MYADM: variants seen among roughly 807,000 people sequenced by gnomAD.
The protein encoded by MYADM is myeloid-associated differentiation marker.
For synonymous variants in MYADM, 224 were observed against 210.2 expected, an observed-to-expected ratio of 1.07 and a Z score of -0.57; for missense variants, 416 against 443.4, an observed-to-expected ratio of 0.94 and a Z score of 0.56.
Position 53,868,648 on chromosome 19 carries a change from C to T in MYADM, c.-88+705C>T, listed in dbSNP as rs889247903. ...AGAGCCGAAGCTGGGGTTCCGGGGC[C>T]CGATTCTCAGCGTGAGCGATGGGTG... On this transcript the variant is annotated intron_variant, in intron 1 of 2. Coordinates refer to ENST00000391770, the MANE Select transcript of MYADM (RefSeq NM_138373.5). The surrounding 1 kb of genome is among the most constrained non-coding windows in gnomAD (Gnocchi z 6.3). Among the ~76,000 whole-genome samples the T allele has an allele frequency of 1.3e-5, 2 of 152,036 alleles. No individual in the cohort carries two copies. The highest frequency in any genetic ancestry group is 4.8e-5 in the African/African-American group (2 of 41,398).
intron 2 of MYADM, among the ~76,000 whole-genome samples, chr19:53,871,511 G>C (rs559125659): frequency 1.3e-5 from 2 of 152,288 alleles, no homozygotes; most frequent in East Asian, 1.9e-4. Flanking sequence ...TCCAAGGTGG[G>C]GGGTAGGGAG....
rs773438872 is a variant in MYADM, at chr19:53,873,811, C to T, written c.282C>T (p.Phe94=). The change falls in exon 3 of 3, where the codon TTC becomes TTT. Residue 94 remains phenylalanine, a synonymous_variant. Transcript: ENST00000391770. The surrounding 1 kb of genome is among the most constrained non-coding windows in gnomAD (Gnocchi z 4.3). ...AGCTGTGCGGGCTCCAGGCCCGCTT[C>T]CCCCTGTCTTGGCGCAACTTCCCCA... ...IVELCGLQAR[F]PLSWRNFPIT... is the part of the protein sequence containing the mutation. 1.2e-6 allele frequency: 2 copies of T among 1,613,656 alleles called. No individual in the cohort carries two copies. Among genetic ancestry groups the T allele is most frequent in the Non-Finnish European group, 8.5e-7 (1 of 1,180,024 alleles).
intron 2 of MYADM, among the ~76,000 whole-genome samples, chr19:53,871,445 G>A (rs62143251): frequency 0.084 from 12,778 of 152,092 alleles, 851 homozygotes; most frequent in African/African-American, 0.17. Context: ...TTGGGTTGCA[G>A]TACTCCAGTC....
At chr19:53,871,293 G>C (rs2068381514) in intron 2 of MYADM, among the ~76,000 whole-genome samples, 2 of 152,188 alleles carry the variant, frequency 1.3e-5, no homozygotes, top group Admixed American at 6.6e-5. Flanking sequence ...AGGGCCTGGG[G>C]TTCCTACTGG....
upstream of MYADM, among the ~76,000 whole-genome samples, chr19:53,867,211 CCT>C (rs1309123104): frequency 6.6e-6 from 1 of 152,194 alleles, no homozygotes; most frequent in African/African-American, 2.4e-5. Context: ...AGGAATCTAG[CCT>C]CTGTTTCTTG....
Position 53,874,537 on chromosome 19 carries a change from T to C in MYADM, c.*39T>C. ...GGCTCCCGTTCCCTCTCCAACCTCT[T>C]TGTTCTTCTTGCCCGAGTTTTCTTT... On this transcript the variant is annotated 3_prime_UTR_variant, in exon 3 of 3. Coordinates refer to ENST00000391770, the MANE Select transcript of MYADM (RefSeq NM_138373.5). The C allele has an allele frequency of 6.6e-7, 1 of 1,522,784 alleles. No individual in the cohort carries two copies. Among genetic ancestry groups the C allele is most frequent in the Non-Finnish European group, 8.8e-7 (1 of 1,136,322 alleles). 94.3% of individuals were successfully genotyped at this position (1,522,784 alleles called of 1,614,324 possible).
rs757232240 is a variant in MYADM, at chr19:53,873,967, C to T, written c.438C>T (p.Ile146=). Residue 146 remains isoleucine (I), a synonymous_variant, in exon 3 of 3, where the codon ATC becomes ATT. Coordinates refer to ENST00000391770, the MANE Select transcript of MYADM (RefSeq NM_138373.5). The surrounding 1 kb of genome is among the most constrained non-coding windows in gnomAD (Gnocchi z 4.3). ...TCGCCGCCACCTTCTTCTCCTGCAT[C>T]GCGTGTGTGGCTTACGCCACCGAAG... ...HAIAATFFSC[I]ACVAYATEVA... 20 of 1,609,998 alleles carry T rather than the reference C, an allele frequency of 1.2e-5. No homozygotes were observed. Among genetic ancestry groups the T allele is most frequent in the Non-Finnish European group, 1.7e-5 (20 of 1,180,020 alleles).
At position 53,873,380 on chromosome 19, in the gene MYADM, AAAAAG is replaced by A. The variant is rs979407135; in HGVS notation, c.-2-138_-2-134del. ...GAGCAAGACTCTGTCTCAAAAAAAAAAAAAGAAAAGAAAACCGAAAGCCCCACATC... is the reference window on the plus strand; with the variant it reads ...GAGCAAGACTCTGTCTCAAAAAAAAAAAAAGAAAACCGAAAGCCCCACATC... On this transcript the variant is annotated intron_variant, in intron 2 of 2. Coordinates refer to ENST00000391770, the MANE Select transcript of MYADM (RefSeq NM_138373.5). The surrounding 1 kb of genome is among the most constrained non-coding windows in gnomAD (Gnocchi z 4.3). 54 of 890,870 alleles carry A rather than the reference AAAAAG, an allele frequency of 6.1e-5. No homozygotes were observed. In the South Asian group the frequency reaches 8.9e-4, roughly 15 times the overall value. The allele number at this position is 890,870 out of a possible 1,614,324, so 55.2% of individuals were successfully genotyped here.
At position 53,876,183 on chromosome 19, in the gene MYADM, C is replaced by G. The variant is rs1295647907; in HGVS notation, c.*1685C>G. 1 of 166,760 alleles carries G rather than the reference C, an allele frequency of 6.0e-6. No individual in the cohort carries two copies. The highest frequency in any genetic ancestry group is 1.9e-4 in the East Asian group (1 of 5,176). The allele number at this position is 166,760 out of a possible 1,614,324, so 10.3% of individuals were successfully genotyped here. On this transcript the variant is annotated 3_prime_UTR_variant, in exon 3 of 3. Coordinates refer to ENST00000391770, the MANE Select transcript of MYADM (RefSeq NM_138373.5). ...AATGGCTTTGCTTGAATGTGTAGTGCACACGCACGGGTGTTTCTGTGTGCT... is the reference window on the plus strand; with the variant it reads ...AATGGCTTTGCTTGAATGTGTAGTGGACACGCACGGGTGTTTCTGTGTGCT...
chr19:53,868,642 C>T lies in MYADM; in HGVS notation c.-88+699C>T, dbSNP rs2068289357. On this transcript the variant is annotated intron_variant, in intron 1 of 2. Coordinates refer to ENST00000391770, the MANE Select transcript of MYADM (RefSeq NM_138373.5). This position sits in a 1 kb window ranked among gnomAD's most constrained non-coding sequence, Gnocchi z 6.3. Reference sequence around the variant, plus strand: ...GTGCCGAGAGCCGAAGCTGGGGTTCCGGGGCCCGATTCTCAGCGTGAGCGA... The same window carrying T: ...GTGCCGAGAGCCGAAGCTGGGGTTCTGGGGCCCGATTCTCAGCGTGAGCGA... Among the ~76,000 whole-genome samples the T allele has an allele frequency of 6.6e-6, 1 of 152,068 alleles. No homozygotes were observed. Among genetic ancestry groups the T allele is most frequent in the South Asian group, 2.1e-4 (1 of 4,826 alleles).
At chr19:53,872,970 G>A (rs1371402023) in intron 2 of MYADM, among the ~76,000 whole-genome samples, 1 of 152,204 alleles carries the variant, frequency 6.6e-6, no homozygotes, top group African/African-American at 2.4e-5. Flanking sequence ...CTCTTGAGAA[G>A]GAGGAAAATA....
At chr19:53,866,605 CCACCAGCCCCTTGGAT>C, upstream of MYADM, among the ~76,000 whole-genome samples, 1 of 152,308 alleles carries the variant, frequency 6.6e-6, no homozygotes, top group Non-Finnish European at 1.5e-5. This position sits in a 1 kb window ranked among gnomAD's most constrained non-coding sequence, Gnocchi z 4.3. Context: ...GGCTTCGGGC[CCACCAGCCCCTTGGAT>C]CCCTTCCCCT....
Position 53,874,228 on chromosome 19 carries a change from C to T in MYADM, c.699C>T (p.Pro233=). 1.9e-6 allele frequency: 3 copies of T among 1,611,804 alleles called. No homozygotes were observed. Among genetic ancestry groups the T allele is most frequent in the Non-Finnish European group, 1.7e-6 (2 of 1,178,392 alleles). Residue 233 remains proline, a synonymous_variant, in exon 3 of 3, where the codon CCC becomes CCT. Coordinates refer to ENST00000391770, the MANE Select transcript of MYADM (RefSeq NM_138373.5). ...TGGGGGAGTGCACCAACGTGCTACC[C>T]ATCCCCTTCCCCAGCTTCCTGTCGG... is the stretch of plus-strand genomic sequence containing the variant. ...LNLGECTNVL[P]IPFPSFLSGL... is the part of the protein sequence containing the mutation.
At chr19:53,867,053 G>A (rs578176809), upstream of MYADM, among the ~76,000 whole-genome samples, 1 of 152,120 alleles carries the variant, frequency 6.6e-6, no homozygotes, top group East Asian at 1.9e-4. Context: ...TACCGCGCTA[G>A]CTCCCAGGAA....
At chr19:53,872,323 G>C (rs2068407633) in intron 2 of MYADM, among the ~76,000 whole-genome samples, 1 of 151,904 alleles carries the variant, frequency 6.6e-6, no homozygotes, top group African/African-American at 2.4e-5. Flanking sequence ...AGTCTCCCGA[G>C]TAGCTGGGAT....
At chr19:53,871,202 G>C (rs763990246) in intron 2 of MYADM, among the ~76,000 whole-genome samples, 16 of 152,190 alleles carry the variant, frequency 1.1e-4, no homozygotes, top group Non-Finnish European at 1.9e-4. Context: ...TTGCACTGCA[G>C]CCTGGGTGAC....
In MYADM at chr19:53,874,003, CCG is replaced by C. The variant is rs1353423558; in HGVS notation, c.475_476del (p.Arg159GlyfsTer106). The C allele has an allele frequency of 6.2e-7, 1 of 1,608,560 alleles. No homozygotes were observed. The highest frequency in any genetic ancestry group is 1.3e-5 in the African/African-American group (1 of 74,946). On this transcript the variant is annotated frameshift_variant, in exon 3 of 3. Transcript: ENST00000391770. LOFTEE classifies it low-confidence loss of function (END_TRUNC). ...VAYATEVAWT[R>X]ARPGEITGYM... ...CTTACGCCACCGAAGTGGCCTGGACCCGGGCCCGGCCCGGCGAGATCACTGGC... is the reference window on the plus strand; with the variant it reads ...CTTACGCCACCGAAGTGGCCTGGACCGGCCCGGCCCGGCGAGATCACTGGC...
At chr19:53,866,350 A>AGCC (rs1225045759), upstream of MYADM, 5 of 152,156 alleles carry the variant, frequency 3.3e-5, no homozygotes, top group African/African-American at 1.2e-4. The surrounding 1 kb of genome is among the most constrained non-coding windows in gnomAD (Gnocchi z 4.3). Flanking sequence ...GAGCATCCGC[A>AGCC]GCCGCCACCA....
chr19:53,869,827 C>T lies in MYADM; in HGVS notation c.-14C>T, dbSNP rs8106162. 0.047 allele frequency: 7,241 copies of T among 154,958 alleles called. 569 individuals are homozygous for T. Among genetic ancestry groups the T allele is most frequent in the African/African-American group, 0.16 (6,629 of 41,546 alleles). The allele number at this position is 154,958 out of a possible 1,614,324, so 9.6% of individuals were successfully genotyped here. A position where few individuals can be genotyped will look rare whatever the true frequency, so the allele number is the denominator to read the frequency against. ...AGATCTTTCTCCGTGGATTCCTCTG[C>T]TAAGACCGCTGGTGAGTAGGCAGCG... is the stretch of plus-strand genomic sequence containing the variant. On this transcript the variant is annotated 5_prime_UTR_variant, in exon 2 of 3. Coordinates refer to ENST00000391770, the MANE Select transcript of MYADM (RefSeq NM_138373.5).
Sources: allele counts gnomAD v4.1 joint callset (sites outside exome capture counted in the v4.1 genomes callset), GRCh38; gene constraint gnomAD v4.1.1; non-coding constraint Gnocchi (gnomAD v3.1); transcripts MANE v1.5; gene names NCBI Gene and HGNC (gene_info 2026-07-23, HGNC 2026-07-21).